DGKI: variants seen among roughly 807,000 people sequenced by gnomAD.
The protein encoded by DGKI is diacylglycerol kinase iota.
DGKI carries 55 observed loss-of-function variants against 147.5 expected under a neutral mutation model. The observed-to-expected ratio is 0.37, with a 90% CI of 0.30 to 0.47. The LOEUF is 0.47. Among genes scored for constraint, DGKI ranks in the 20% least tolerant of loss-of-function variants. DGKI has a pLI of 1.00. For synonymous variants in DGKI, 469 were observed against 477.1 expected, an observed-to-expected ratio of 0.98 and a Z score of 0.22; for missense variants, 1,007 against 1,323.8, an observed-to-expected ratio of 0.76 and a Z score of 3.71.
intron 20 of DGKI, among the ~76,000 whole-genome samples, chr7:137,533,242 T>C (rs1585205493): frequency 6.6e-6 from 1 of 152,030 alleles, no homozygotes; most frequent in Non-Finnish European, 1.5e-5. Context: ...TCAACTATAA[T>C]AGTGCCACTA....
chr7:137,568,205 C>A (rs1818657167), intron 19 of DGKI, among the ~76,000 whole-genome samples: 1 of 152,208 alleles, frequency 6.6e-6, no homozygotes, highest in Non-Finnish European at 1.5e-5. Context: ...TCTCTTTTCA[C>A]CTACATTTAA....
At chr7:137,514,038 G>A (rs1433014065) in intron 21 of DGKI, 4 of 604,366 alleles carry the variant, frequency 6.6e-6, no homozygotes, top group Non-Finnish European at 1.2e-5. Context: ...CTACTGTCTA[G>A]AGCTTGTCTC....
At chr7:137,591,180 A>AC (rs1819596309) in intron 12 of DGKI, among the ~76,000 whole-genome samples, 1 of 152,264 alleles carries the variant, frequency 6.6e-6, no homozygotes, top group South Asian at 2.1e-4. Flanking sequence ...AAGGACAAGT[A>AC]CACAGTGTGT....
chr7:137,540,782 AAAAAAAC>A (rs1563075739), intron 20 of DGKI, among the ~76,000 whole-genome samples: 2,763 of 148,616 alleles, frequency 0.019, 43 homozygotes, highest in African/African-American at 0.038. Flanking sequence ...AAAAAAAAAA[AAAAAAAC>A]ATTTACAATG....
intron 27 of DGKI, among the ~76,000 whole-genome samples, chr7:137,445,303 T>C (rs1312937715): frequency 6.6e-6 from 1 of 152,228 alleles, no homozygotes; most frequent in Non-Finnish European, 1.5e-5. Context: ...AGTGGCAAAG[T>C]ATCAATTTAT....
intron 1 of DGKI, among the ~76,000 whole-genome samples, chr7:137,798,903 T>C (rs973444378): frequency 6.6e-5 from 10 of 152,166 alleles, no homozygotes; most frequent in Non-Finnish European, 1.3e-4. Flanking sequence ...CAAACCCACA[T>C]GATCATCTCA....
chr7:137,680,148 T>A (rs7459099), intron 2 of DGKI, among the ~76,000 whole-genome samples: 8,144 of 152,044 alleles, frequency 0.054, 678 homozygotes, highest in African/African-American at 0.18. Flanking sequence ...GAGATTCCCC[T>A]CATGCACACA....
chr7:137,820,381 G>A (rs1428167736), intron 1 of DGKI, among the ~76,000 whole-genome samples: 2 of 152,176 alleles, frequency 1.3e-5, no homozygotes, highest in Non-Finnish European at 2.9e-5. Context: ...CATAGTTTCT[G>A]ATTCATCCCA....
chr7:137,782,546 T>C (rs529729001), intron 1 of DGKI, among the ~76,000 whole-genome samples: 1 of 152,242 alleles, frequency 6.6e-6, no homozygotes, highest in South Asian at 2.1e-4. Context: ...TCATAATCTC[T>C]TGGGAGCTCT....
intron 28 of DGKI, among the ~76,000 whole-genome samples, chr7:137,433,886 G>A (rs1438167040): frequency 6.6e-6 from 1 of 152,174 alleles, no homozygotes; most frequent in Non-Finnish European, 1.5e-5. Flanking sequence ...GGGAGGCTGA[G>A]GCGGGTGGAT....
chr7:137,414,767 G>A (rs980059393), intron 28 of DGKI, among the ~76,000 whole-genome samples: 1 of 152,114 alleles, frequency 6.6e-6, no homozygotes, highest in African/African-American at 2.4e-5. Flanking sequence ...CTGTTGTCAG[G>A]TTTGTAATGT....
In DGKI at chr7:137,704,067, T is replaced by C. The variant is rs114727362; in HGVS notation, c.402-14065A>G. Among the ~76,000 whole-genome samples the C allele has an allele frequency of 3.9e-3, 592 of 152,206 alleles. 4 individuals are homozygous for C. The highest frequency in any genetic ancestry group is 0.014 in the African/African-American group (564 of 41,540). ...CTCTACTAAAAGTACAAAAATTAGC[T>C]GAGTGTGGCAGCACATACCTGCAGT... On this transcript the variant is annotated intron_variant, in intron 1 of 32. Transcript: ENST00000614521.
At chr7:137,814,519 A>G (rs750353368) in intron 1 of DGKI, among the ~76,000 whole-genome samples, 1 of 152,108 alleles carries the variant, frequency 6.6e-6, no homozygotes, top group Non-Finnish European at 1.5e-5. Flanking sequence ...CAAGGCCCCT[A>G]ATCCCCCACT....
intron 31 of DGKI, among the ~76,000 whole-genome samples, chr7:137,396,564 T>C (rs1585073823): frequency 6.6e-6 from 1 of 152,362 alleles, no homozygotes; most frequent in South Asian, 2.1e-4. Flanking sequence ...TGTGCTGGCA[T>C]GTGGACCAGC....
At chr7:137,621,267 T>C (rs982611838) in intron 7 of DGKI, among the ~76,000 whole-genome samples, 29 of 152,172 alleles carry the variant, frequency 1.9e-4, no homozygotes, top group Non-Finnish European at 3.5e-4. Flanking sequence ...TAAAAATTGC[T>C]TTTTTTTCTT....
At chr7:137,830,770 T>C (rs1798195164) in intron 1 of DGKI, among the ~76,000 whole-genome samples, 1 of 152,228 alleles carries the variant, frequency 6.6e-6, no homozygotes, top group Non-Finnish European at 1.5e-5. Context: ...AACTACAGTG[T>C]AATATTAAGT....
intron 21 of DGKI, among the ~76,000 whole-genome samples, chr7:137,516,751 T>A (rs1243371497): frequency 6.6e-6 from 1 of 152,066 alleles, no homozygotes; most frequent in Non-Finnish European, 1.5e-5. Flanking sequence ...ATGTAATTAT[T>A]GAAAGTATGA....
chr7:137,820,732 T>C (rs1207666649), intron 1 of DGKI, among the ~76,000 whole-genome samples: 1 of 151,856 alleles, frequency 6.6e-6, no homozygotes, highest in Non-Finnish European at 1.5e-5. Context: ...GATCATGGCC[T>C]CTCCTGCTTG....
chr7:137,673,319 C>T lies in DGKI; in HGVS notation c.606+5238G>A, dbSNP rs1208164647. On this transcript the variant is annotated intron_variant, in intron 3 of 32. Coordinates refer to ENST00000614521, the MANE Select transcript of DGKI (RefSeq NM_001321708.2). ...CAGGCCACGGTTTTTGGTCCTGACA[C>T]TCTGTTTCTGAAGTGGATCACTGTC... Among the ~76,000 whole-genome samples the T allele has an allele frequency of 2.0e-5, 3 of 152,284 alleles. No homozygotes were observed. The East Asian group carries it at 5.8e-4, about 29-fold the overall frequency.
Sources: allele counts gnomAD v4.1 joint callset (sites outside exome capture counted in the v4.1 genomes callset), GRCh38; gene constraint gnomAD v4.1.1; transcripts MANE v1.5; gene names NCBI Gene and HGNC (gene_info 2026-07-23, HGNC 2026-07-21).